Variants in TAGAP observed in about 807,000 individuals in gnomAD.
The protein encoded by TAGAP is T-cell activation Rho GTPase-activating protein.
In TAGAP, 16 loss-of-function variants were observed where a neutral mutation model predicts 36.0. That is an observed-to-expected ratio of 0.44 (90% CI 0.30 to 0.68). The LOEUF is 0.68. Ranked by LOEUF, TAGAP falls within the 30% of genes least tolerant of loss-of-function variation. TAGAP has a pLI of 0.09. For missense variants in TAGAP, 794 were observed against 921.5 expected (o/e 0.86, Z 1.79); for synonymous variants, 372 against 377.4 (o/e 0.99, Z 0.17).
At chr6:159,042,045 C>A (rs1412068829) in intron 5 of TAGAP, 33 bp downstream of exon 5, 9 of 1,583,094 alleles carry the variant, frequency 5.7e-6, no homozygotes, top group Non-Finnish European at 7.7e-6. Context: ...CAACTGAAAA[C>A]TGAAGTAGGT....
chr6:159,043,418 G>A (rs766366054), intron 4 of TAGAP, among the ~76,000 whole-genome samples, 171 bp downstream of exon 4: 1 of 152,210 alleles, frequency 6.6e-6, no homozygotes, highest in Non-Finnish European at 1.5e-5. Context: ...AGCACTCCCT[G>A]CTCTAGTGAG....
intron 4 of TAGAP, 38 bp downstream of exon 4, chr6:159,043,551 G>A (rs747552492): frequency 1.3e-6 from 2 of 1,598,552 alleles, no homozygotes; most frequent in Non-Finnish European, 1.7e-6. Context: ...CTGGTTGTTA[G>A]CACTTACATA....
intron 4 of TAGAP, 118 bp downstream of exon 4, chr6:159,043,471 T>C: frequency 3.3e-6 from 3 of 910,042 alleles, no homozygotes; most frequent in Non-Finnish European, 5.4e-6. Flanking sequence ...TCTGCGGTCT[T>C]TAACAGAACA....
At position 159,039,171 on chromosome 6, in the gene TAGAP, G is replaced by A. The variant is rs527665112; in HGVS notation, c.726C>T (p.Leu242=). Residue 242 remains leucine (L), a synonymous_variant, in exon 8 of 10, where the codon CTC becomes CTT. Transcript: ENST00000367066. ...NLAICIGPNM[L]TLENDQSLSF... is the part of the protein sequence containing the mutation. ...ACAGGCTCTGGTCATTCTCCAGGGT[G>A]AGCATGTTGGGTCCAATGCAGATGG... The A allele has an allele frequency of 1.2e-6, 2 of 1,614,184 alleles. No individual in the cohort carries two copies. Among genetic ancestry groups the A allele is most frequent in the African/African-American group, 2.7e-5 (2 of 75,030 alleles).
chr6:159,036,872 G>A lies in TAGAP; in HGVS notation c.1151C>T (p.Ser384Phe). Residue 384 changes from serine to phenylalanine, a missense_variant, in exon 10 of 10, where the codon TCC (serine) becomes TTC (phenylalanine). Physicochemically the swap from Ser to Phe is radical, Grantham distance 155. Coordinates refer to ENST00000367066, the MANE Select transcript of TAGAP (RefSeq NM_054114.5). The surrounding 1 kb of genome is among the most constrained non-coding windows in gnomAD (Gnocchi z 4.9). ...RRYSEPSMPSSQECLESRVTN... is the reference protein window; with the variant it reads ...RRYSEPSMPSFQECLESRVTN... ...CACCCGGCTCTCGAGGCACTCCTGG[G>A]AGGATGGCATGCTGGGCTCTGAGTA... 6.2e-7 allele frequency: 1 copy of A among 1,614,252 alleles called. No homozygotes were observed. The highest frequency in any genetic ancestry group is 8.5e-7 in the Non-Finnish European group (1 of 1,180,044).
In TAGAP at chr6:159,036,796, T is replaced by A. The variant is rs768206481; in HGVS notation, c.1227A>T (p.Val409=). The A allele has an allele frequency of 3.1e-6, 5 of 1,614,118 alleles. No individual in the cohort carries two copies. The highest frequency in any genetic ancestry group is 4.2e-6 in the Non-Finnish European group (5 of 1,180,036). Residue 409 remains valine (V), a synonymous_variant, in exon 10 of 10, where the codon GTA becomes GTT. Transcript: ENST00000367066. This position sits in a 1 kb window ranked among gnomAD's most constrained non-coding sequence, Gnocchi z 4.9. The part of the protein sequence containing the change: ...KSEGDFPVPR[V]GSRLESEEAE... The stretch of plus-strand genomic sequence containing the variant: ...CCTCCTCACTTTCCAAACGAGAGCC[T>A]ACCCGGGGCACGGGGAAGTCCCCTT...
chr6:159,038,838 C>A, intron 8 of TAGAP: 1 of 1,244,884 alleles, frequency 8.0e-7, no homozygotes, highest in Non-Finnish European at 1.0e-6. Flanking sequence ...GTGTACAAAA[C>A]ACAAAAACAA....
chr6:159,036,565 G>A lies in TAGAP; in HGVS notation c.1458C>T (p.Ser486=), dbSNP rs1282178313. The part of the protein sequence containing the change: ...SPSSPKRNFF[S]RHQSFTTKTE... ...TCTTTGTGGTGAAAGACTGATGTCT[G>A]CTGAAGAAATTTCTTTTGGGACTGG... Residue 486 remains serine, a synonymous_variant, in exon 10 of 10, where the codon AGC becomes AGT. Coordinates refer to ENST00000367066, the MANE Select transcript of TAGAP (RefSeq NM_054114.5). This position sits in a 1 kb window ranked among gnomAD's most constrained non-coding sequence, Gnocchi z 4.9. The A allele has an allele frequency of 6.2e-7, 1 of 1,614,030 alleles. No individual in the cohort carries two copies. Among genetic ancestry groups the A allele is most frequent in the African/African-American group, 1.3e-5 (1 of 74,922 alleles).
rs559846736 is a variant in TAGAP at position 159,038,265 on chromosome 6, C to CTT, written c.784-39_784-38dup. ...AGTAAGCAATTTGTCAGCTTGAAGACTTTTTTTTTTTTTTTTTTTTTTTGG... is the reference window on the plus strand; with the variant it reads ...AGTAAGCAATTTGTCAGCTTGAAGACTTTTTTTTTTTTTTTTTTTTTTTTTGG... On this transcript the variant is annotated intron_variant, in intron 8 of 9. Coordinates refer to ENST00000367066, the MANE Select transcript of TAGAP (RefSeq NM_054114.5). The CTT allele has an allele frequency of 7.2e-3, 3,317 of 458,158 alleles. 1 individual carries two copies. Among genetic ancestry groups the CTT allele is most frequent in the South Asian group, 0.014 (544 of 39,170 alleles). The allele number at this position is 458,158 out of a possible 1,614,324, so 28.4% of individuals were successfully genotyped here. A position where few individuals can be genotyped will look rare whatever the true frequency, so the allele number is the denominator to read the frequency against.
Position 159,036,235 on chromosome 6 carries a change from A to G in TAGAP, c.1788T>C (p.Tyr596=). 2 of 1,611,850 alleles carry G rather than the reference A, an allele frequency of 1.2e-6. No homozygotes were observed. The highest frequency in any genetic ancestry group is 1.1e-5 in the South Asian group (1 of 91,056). The stretch of plus-strand genomic sequence containing the variant: ...CTGCCGGGCCCTGCATGGCCTCTTC[A>G]TAAGAGGGTGGGCTTCCAGGCCTCT... The part of the protein sequence containing the change: ...DWERPGSPPS[Y]EEAMQGPAAR... The change falls in exon 10 of 10, where the codon TAT becomes TAC. Residue 596 remains tyrosine, a synonymous_variant. Coordinates refer to ENST00000367066, the MANE Select transcript of TAGAP (RefSeq NM_054114.5). The surrounding 1 kb of genome is among the most constrained non-coding windows in gnomAD (Gnocchi z 4.9).
Position 159,036,945 on chromosome 6 carries a change from T to G in TAGAP, c.1078A>C (p.Ser360Arg), listed in dbSNP as rs775839075. The G allele has an allele frequency of 6.2e-7, 1 of 1,613,634 alleles. No homozygotes were observed. Among genetic ancestry groups the G allele is most frequent in the Non-Finnish European group, 8.5e-7 (1 of 1,179,622 alleles). Reference sequence around the variant, plus strand: ...GAGCTTTTCAGCCTGGCCACGGTGCTCACAATGGGCTCTGGGCTGACCTCT... The same window carrying G: ...GAGCTTTTCAGCCTGGCCACGGTGCGCACAATGGGCTCTGGGCTGACCTCT... ...AREVSPEPIVSTVARLKSSLA... is the reference protein window; with the variant it reads ...AREVSPEPIVRTVARLKSSLA... Residue 360 changes from serine to arginine, a missense_variant, in exon 10 of 10, where the codon AGC becomes CGC. Physicochemically the swap from Ser to Arg is moderately radical, Grantham distance 110. Transcript: ENST00000367066. The surrounding 1 kb of genome is among the most constrained non-coding windows in gnomAD (Gnocchi z 4.9).
rs745814456 is a variant in TAGAP, at chr6:159,044,135, T to C, written c.12A>G (p.Arg4=). The change falls in exon 2 of 10, where the codon AGA becomes AGG. Residue 4 remains arginine (R), a synonymous_variant. Transcript: ENST00000367066. ...GGGCACTCACAGCATTGTGGCTGCT[T>C]CTCAGCTTCATCAGTATTGCGGCTG... MKL[R]SSHNASKTLN... 6.2e-7 allele frequency: 1 copy of C among 1,613,806 alleles called. No homozygotes were observed.
At chr6:159,038,306 G>T in intron 8 of TAGAP, 78 bp from the exon 9 acceptor site, 1 of 744,616 alleles carries the variant, frequency 1.3e-6, no homozygotes. Context: ...AGGAAGAATG[G>T]GGACACTGGA....
At position 159,035,670 on chromosome 6, in the gene TAGAP, G is replaced by A; in HGVS notation, c.*157C>T. 6 of 642,120 alleles carry A rather than the reference G, an allele frequency of 9.3e-6. No homozygotes were observed. Among genetic ancestry groups the A allele is most frequent in the Admixed American group, 3.0e-5 (1 of 33,174 alleles). 39.8% of individuals were successfully genotyped at this position (642,120 alleles called of 1,614,324 possible). On this transcript the variant is annotated 3_prime_UTR_variant, in exon 10 of 10. Coordinates refer to ENST00000367066, the MANE Select transcript of TAGAP (RefSeq NM_054114.5). The stretch of plus-strand genomic sequence containing the variant: ...CAGGTACACAGAGACTATCTGATGC[G>A]CCATGGCCATGGTGTAGCTATCCTC...
At chr6:159,044,648 A>C (rs1779867466) in intron 1 of TAGAP, among the ~76,000 whole-genome samples, 1 of 152,074 alleles carries the variant, frequency 6.6e-6, no homozygotes, top group Non-Finnish European at 1.5e-5. Flanking sequence ...AAAAAAAAAA[A>C]ACATATCCCT....
In TAGAP at chr6:159,036,528, T is replaced by G; in HGVS notation, c.1495A>C (p.Lys499Gln). 1 of 1,614,204 alleles carries G rather than the reference T, an allele frequency of 6.2e-7. No homozygotes were observed. Among genetic ancestry groups the G allele is most frequent in the South Asian group, 1.1e-5 (1 of 91,082 alleles). Reference sequence around the variant, plus strand: ...TGCTTTTTAATTTCTCGGCTGGGCTTGCCTTTCTCTGTCTTTGTGGTGAAA... The same window carrying G: ...TGCTTTTTAATTTCTCGGCTGGGCTGGCCTTTCTCTGTCTTTGTGGTGAAA... ...QSFTTKTEKG[K>Q]PSREIKKHSM... Residue 499 changes from lysine to glutamine, a missense_variant, in exon 10 of 10, where the codon AAG (lysine) becomes CAG (glutamine). Coordinates refer to ENST00000367066, the MANE Select transcript of TAGAP (RefSeq NM_054114.5). The surrounding 1 kb of genome is among the most constrained non-coding windows in gnomAD (Gnocchi z 4.9).
In TAGAP at chr6:159,035,015, C is replaced by A. The variant is rs1033348560; in HGVS notation, c.*812G>T. ...CATTTTTACTTTCAAATAAGGAAGG[C>A]AATTTATTGTAGTGAAATTACATTG... On this transcript the variant is annotated 3_prime_UTR_variant, in exon 10 of 10. Transcript: ENST00000367066. 13 of 152,252 alleles carry A rather than the reference C, an allele frequency of 8.5e-5. No homozygotes were observed. The highest frequency in any genetic ancestry group is 3.1e-4 in the African/African-American group (13 of 41,398). 9.4% of individuals were successfully genotyped at this position (152,252 alleles called of 1,614,324 possible).
Position 159,036,710 on chromosome 6 carries a change from A to T in TAGAP, c.1313T>A (p.Val438Glu). The T allele has an allele frequency of 6.2e-7, 1 of 1,614,162 alleles. No individual in the cohort carries two copies. The highest frequency in any genetic ancestry group is 8.5e-7 in the Non-Finnish European group (1 of 1,180,020). ...PAVQGKTKRP[V>E]DLKIKNLAPG... is the part of the protein sequence containing the mutation. Reference sequence around the variant, plus strand: ...GGCCAAGTTCTTGATCTTCAGGTCCACCGGCCTCTTGGTTTTGCCTTGCAC... The same window carrying T: ...GGCCAAGTTCTTGATCTTCAGGTCCTCCGGCCTCTTGGTTTTGCCTTGCAC... The change falls in exon 10 of 10, where the codon GTG becomes GAG. Residue 438 changes from valine to glutamate, a missense_variant. Transcript: ENST00000367066. The surrounding 1 kb of genome is among the most constrained non-coding windows in gnomAD (Gnocchi z 4.9).
chr6:159,036,348 A>C lies in TAGAP; in HGVS notation c.1675T>G (p.Cys559Gly), dbSNP rs1320458959. ...CGGGCTGTTTGGTTGTGGGTTTCAC[A>C]CCCATTTTCCTGCACGATTCGGCCG... The part of the protein sequence containing the change: ...LAGRIVQENG[C>G]ETHNQTARGF... The change falls in exon 10 of 10, where the codon TGT becomes GGT. Residue 559 changes from cysteine (C) to glycine (G), a missense_variant. Cys to Gly is a radical substitution (Grantham distance 159). Transcript: ENST00000367066. The surrounding 1 kb of genome is among the most constrained non-coding windows in gnomAD (Gnocchi z 4.9). The C allele has an allele frequency of 6.2e-7, 1 of 1,612,540 alleles. No individual in the cohort carries two copies. Among genetic ancestry groups the C allele is most frequent in the South Asian group, 1.1e-5 (1 of 91,036 alleles).
Sources: allele counts gnomAD v4.1 joint callset (sites outside exome capture counted in the v4.1 genomes callset), GRCh38; gene constraint gnomAD v4.1.1; non-coding constraint Gnocchi (gnomAD v3.1); transcripts MANE v1.5; gene names NCBI Gene and HGNC (gene_info 2026-07-23, HGNC 2026-07-21).